MBTD1: variants seen among roughly 807,000 people sequenced by gnomAD.
MBTD1 encodes MBT domain-containing protein 1.
A neutral mutation model predicts 87.8 loss-of-function variants in MBTD1; 24 were observed. The ratio of observed to expected loss-of-function variants is 0.27; its 90% CI spans 0.20 to 0.38. The LOEUF (loss-of-function observed/expected upper bound fraction) is 0.38. Among genes scored for constraint, MBTD1 ranks in the 10% least tolerant of loss-of-function variants. The pLI is 1.00. For synonymous variants in MBTD1, 237 were observed against 248.6 expected (o/e 0.95, Z 0.44); for missense variants, 436 against 760.2 (o/e 0.57, Z 5.02).
At position 51,228,042 on chromosome 17, in the gene MBTD1, A is replaced by T. The variant is rs188546659; in HGVS notation, c.-48-2833T>A. ...TGTAGGAGATAATATTTCTACATATATATTTATTCAGTTTTTAAAAAAACA... is the reference window on the plus strand; with the variant it reads ...TGTAGGAGATAATATTTCTACATATTTATTTATTCAGTTTTTAAAAAAACA... On this transcript the variant is annotated intron_variant, in intron 2 of 16. Coordinates refer to ENST00000586178, the MANE Select transcript of MBTD1 (RefSeq NM_017643.3). Among the ~76,000 whole-genome samples the T allele has an allele frequency of 9.4e-4, 143 of 152,276 alleles. 1 individual carries two copies. Among genetic ancestry groups the T allele is most frequent in the Non-Finnish European group, 2.2e-4 (15 of 68,034 alleles).
chr17:51,182,437 T>C (rs1254968541), intron 16 of MBTD1, among the ~76,000 whole-genome samples: 3 of 152,180 alleles, frequency 2.0e-5, no homozygotes, highest in Admixed American at 6.5e-5. Context: ...CTTTATACAT[T>C]TGAATGGTTC....
chr17:51,246,412 T>G (rs557030156), intron 2 of MBTD1, among the ~76,000 whole-genome samples: 12 of 152,318 alleles, frequency 7.9e-5, no homozygotes, highest in Non-Finnish European at 1.5e-4. Context: ...ACTTCAGGTT[T>G]TTGGATTAGG....
intron 2 of MBTD1, among the ~76,000 whole-genome samples, chr17:51,228,224 T>C (rs1228443122): frequency 6.6e-6 from 1 of 151,346 alleles, no homozygotes. Flanking sequence ...TATTGGAGGG[T>C]AGAGGGTGGG....
At chr17:51,218,555 A>C (rs1568193979) in intron 5 of MBTD1, among the ~76,000 whole-genome samples, 1 of 150,378 alleles carries the variant, frequency 6.6e-6, no homozygotes, top group African/African-American at 2.4e-5. Context: ...AAAAAAAAAA[A>C]ATCTATTGGA....
Position 51,180,685 on chromosome 17 carries a change from A to C in MBTD1, c.1778T>G (p.Leu593Arg). 1 of 1,529,620 alleles carries C rather than the reference A, an allele frequency of 6.5e-7. No homozygotes were observed. The highest frequency in any genetic ancestry group is 1.2e-5 in the South Asian group (1 of 83,620). The allele number at this position is 1,529,620 out of a possible 1,614,324, so 94.8% of individuals were successfully genotyped here. A position where few individuals can be genotyped will look rare whatever the true frequency, so the allele number is the denominator to read the frequency against. ...ATCCAGCAACTCCTCCTTCAGCTGC[A>C]GTGTTGTCACTGAATGAAAGAGAGA... ...QYKGHKKMTT[L>R]QLKEELLDGE... The change falls in exon 17 of 17, where the codon CTG becomes CGG. Residue 593 changes from leucine to arginine, a missense_variant. Physicochemically the swap from Leu to Arg is moderately radical, Grantham distance 102 (BLOSUM62 -2). This residue lies in a region of MBTD1 where 80 missense variants were observed against 182.2 expected (regional missense o/e 0.44). Transcript: ENST00000586178.
At chr17:51,226,430 G>C (rs1043571872) in intron 2 of MBTD1, among the ~76,000 whole-genome samples, 5 of 151,320 alleles carry the variant, frequency 3.3e-5, no homozygotes, top group African/African-American at 1.2e-4. Flanking sequence ...TAGAGCCTGG[G>C]AGGTGGAGGT....
intron 2 of MBTD1, among the ~76,000 whole-genome samples, chr17:51,231,650 T>C (rs1026864007): frequency 3.9e-5 from 6 of 152,186 alleles, no homozygotes; most frequent in Non-Finnish European, 8.8e-5. Flanking sequence ...AAAATGATCA[T>C]CTGCACAACA....
intron 2 of MBTD1, among the ~76,000 whole-genome samples, chr17:51,225,718 C>T (rs1004059630): frequency 5.3e-5 from 8 of 151,868 alleles, no homozygotes; most frequent in African/African-American, 1.5e-4. Flanking sequence ...CAGTGTGCCT[C>T]GCCCAGATTT....
At chr17:51,248,256 G>A (rs1055256584) in intron 2 of MBTD1, among the ~76,000 whole-genome samples, 4 of 151,942 alleles carry the variant, frequency 2.6e-5, no homozygotes, top group Non-Finnish European at 5.9e-5. Context: ...CCTTCCTTGT[G>A]CTTTTGGCTT....
intron 12 of MBTD1, among the ~76,000 whole-genome samples, chr17:51,195,937 T>C (rs8066644): frequency 0.17 from 25,891 of 152,202 alleles, 2,424 homozygotes; most frequent in Admixed American, 0.24. Context: ...AGACAAGGTC[T>C]CGCTCTGTCA....
chr17:51,251,976 G>A (rs1043329953), intron 2 of MBTD1, among the ~76,000 whole-genome samples: 1 of 152,184 alleles, frequency 6.6e-6, no homozygotes, highest in African/African-American at 2.4e-5. Flanking sequence ...TGTTGGCCAG[G>A]CTGATCTCGA....
chr17:51,224,419 G>A (rs1217253626), intron 3 of MBTD1, among the ~76,000 whole-genome samples: 1 of 152,112 alleles, frequency 6.6e-6, no homozygotes, highest in Non-Finnish European at 1.5e-5. Context: ...AAACTTTCCA[G>A]ACTCCCAGAA....
chr17:51,194,011 T>C (rs973298626), intron 13 of MBTD1, among the ~76,000 whole-genome samples: 2 of 152,222 alleles, frequency 1.3e-5, no homozygotes, highest in African/African-American at 4.8e-5. Flanking sequence ...CTACTTAGTC[T>C]AACGCAAAAG....
At chr17:51,244,287 C>T (rs2054309465) in intron 2 of MBTD1, among the ~76,000 whole-genome samples, 1 of 152,222 alleles carries the variant, frequency 6.6e-6, no homozygotes, top group African/African-American at 2.4e-5. Context: ...GACATACCTA[C>T]CTATTCATTA....
chr17:51,179,495 TATA>T lies in MBTD1; in HGVS notation c.*1078_*1080del. On this transcript the variant is annotated 3_prime_UTR_variant, in exon 17 of 17. Transcript: ENST00000586178. Reference sequence around the variant, plus strand: ...AATTAAAGACAATTTTATATATATATATATATATATATATATATATATATATAT... The same window carrying T: ...AATTAAAGACAATTTTATATATATATTATATATATATATATATATATATAT... The T allele has an allele frequency of 2.3e-5, 1 of 43,668 alleles. No individual in the cohort carries two copies. The highest frequency in any genetic ancestry group is 4.7e-5 in the Non-Finnish European group (1 of 21,496). 2.7% of individuals were successfully genotyped at this position (43,668 alleles called of 1,614,324 possible).
intron 7 of MBTD1, among the ~76,000 whole-genome samples, chr17:51,206,316 C>G (rs1204856721): frequency 6.6e-6 from 1 of 151,966 alleles, no homozygotes; most frequent in Non-Finnish European, 1.5e-5. Context: ...CTATTTTGCC[C>G]AGGTGGGTCT....
intron 3 of MBTD1, among the ~76,000 whole-genome samples, chr17:51,223,067 G>A (rs1281246626): frequency 1.3e-5 from 2 of 151,854 alleles, no homozygotes; most frequent in Non-Finnish European, 2.9e-5. Flanking sequence ...GCCTCCCAAA[G>A]TGCTGGGATT....
rs1199337829 is a variant in MBTD1 at position 51,179,480 on chromosome 17, AATTTTAT to A, written c.*1089_*1095del. The stretch of plus-strand genomic sequence containing the variant: ...ATAAATCCTGAATACAATTAAAGAC[AATTTTAT>A]ATATATATATATATATATATATATA... On this transcript the variant is annotated 3_prime_UTR_variant, in exon 17 of 17. Coordinates refer to ENST00000586178, the MANE Select transcript of MBTD1 (RefSeq NM_017643.3). The A allele has an allele frequency of 1.2e-4, 10 of 83,836 alleles. No individual in the cohort carries two copies. Among genetic ancestry groups the A allele is most frequent in the African/African-American group, 5.5e-4 (10 of 18,196 alleles). 5.2% of individuals were successfully genotyped at this position (83,836 alleles called of 1,614,324 possible). A position where few individuals can be genotyped will look rare whatever the true frequency, so the allele number is the denominator to read the frequency against.
chr17:51,246,509 GTTTA>G (rs775569743), intron 2 of MBTD1, among the ~76,000 whole-genome samples: 3 of 152,158 alleles, frequency 2.0e-5, no homozygotes, highest in Non-Finnish European at 4.4e-5. Context: ...CTACACAAAG[GTTTA>G]TTATTTTATA....
Sources: gnomAD v4.1 joint callset for allele counts (sites outside exome capture counted in the v4.1 genomes callset) on GRCh38, gnomAD v4.1.1 for gene constraint, gnomAD v4.1.1 regional missense constraint, MANE v1.5 for transcripts, NCBI Gene and HGNC (gene_info 2026-07-23, HGNC 2026-07-21) for gene names.